PRR5L: variants seen among roughly 807,000 people sequenced by gnomAD.
PRR5L encodes proline rich 5 like.
PRR5L carries 21 observed loss-of-function variants against 36.4 expected under a neutral mutation model. That is an observed-to-expected ratio of 0.58 (90% CI 0.41 to 0.83). The LOEUF (loss-of-function observed/expected upper bound fraction) is 0.83. PRR5L is among the 40% of genes least tolerant of loss of function. PRR5L has a pLI of 0.00. For missense variants in PRR5L, 381 were observed against 473.3 expected, an observed-to-expected ratio of 0.80 and a Z score of 1.81; for synonymous variants, 188 against 197.0, an observed-to-expected ratio of 0.95 and a Z score of 0.38.
chr11:36,359,678 G>A (rs1341789839), intron 1 of PRR5L, among the ~76,000 whole-genome samples: 9 of 152,132 alleles, frequency 5.9e-5, no homozygotes, highest in African/African-American at 9.7e-5. Context: ...CCAAAGGAGC[G>A]GATCAACAGA....
intron 7 of PRR5L, among the ~76,000 whole-genome samples, chr11:36,448,494 C>G (rs148783520): frequency 4.6e-5 from 7 of 152,304 alleles, no homozygotes; most frequent in Admixed American, 2.0e-4. Flanking sequence ...ACTTTGTCTT[C>G]TGGGGTCCTC....
At chr11:36,338,943 C>T (rs1284414943) in intron 1 of PRR5L, among the ~76,000 whole-genome samples, 1 of 152,132 alleles carries the variant, frequency 6.6e-6, no homozygotes, top group Non-Finnish European at 1.5e-5. Flanking sequence ...GTGCTATTCT[C>T]GTGATAGTGA....
intron 1 of PRR5L, among the ~76,000 whole-genome samples, chr11:36,308,845 G>A (rs1414347235): frequency 3.3e-5 from 5 of 152,174 alleles, no homozygotes; most frequent in African/African-American, 1.2e-4. Flanking sequence ...GCCAACAGAA[G>A]AGCATAACTT....
chr11:36,333,024 G>C (rs1308308422), intron 1 of PRR5L, among the ~76,000 whole-genome samples: 1 of 152,110 alleles, frequency 6.6e-6, no homozygotes, highest in Non-Finnish European at 1.5e-5. Flanking sequence ...ACCATCATCT[G>C]TTGTCTGAAC....
intron 1 of PRR5L, among the ~76,000 whole-genome samples, chr11:36,322,273 G>C (rs1856620528): frequency 6.6e-6 from 1 of 152,150 alleles, no homozygotes; most frequent in Non-Finnish European, 1.5e-5. Flanking sequence ...TTTTTCCCTA[G>C]AAAGGGCTTA....
chr11:36,301,011 G>A (rs1856369966), intron 1 of PRR5L: 1 of 152,290 alleles, frequency 6.6e-6, no homozygotes, highest in South Asian at 2.1e-4. Context: ...GAAAGGGCAG[G>A]TCATTGAATG....
At chr11:36,430,465 G>A (rs1245741038) in intron 4 of PRR5L, among the ~76,000 whole-genome samples, 1 of 152,170 alleles carries the variant, frequency 6.6e-6, no homozygotes, top group Non-Finnish European at 1.5e-5. Flanking sequence ...GTCATATTTT[G>A]TAAATCTTAA....
intron 7 of PRR5L, among the ~76,000 whole-genome samples, chr11:36,447,555 G>T (rs1429759754): frequency 6.6e-6 from 1 of 152,214 alleles, no homozygotes; most frequent in African/African-American, 2.4e-5. Flanking sequence ...AAGTTCAGAT[G>T]CTGCAGCATT....
At chr11:36,339,860 G>C (rs1025475355) in intron 1 of PRR5L, among the ~76,000 whole-genome samples, 1 of 152,222 alleles carries the variant, frequency 6.6e-6, no homozygotes, top group Non-Finnish European at 1.5e-5. Flanking sequence ...GGGCTGGGAT[G>C]GCCTTGCCCC....
intron 1 of PRR5L, among the ~76,000 whole-genome samples, chr11:36,300,101 T>C (rs1446033063): frequency 6.6e-6 from 1 of 152,222 alleles, no homozygotes; most frequent in Non-Finnish European, 1.5e-5. Flanking sequence ...TATCTTTTTT[T>C]TTTGTAGAAA....
intron 6 of PRR5L, among the ~76,000 whole-genome samples, chr11:36,443,919 C>T (rs1276840136): frequency 1.3e-5 from 2 of 152,176 alleles, no homozygotes; most frequent in Non-Finnish European, 2.9e-5. Context: ...ACAGTAGGCT[C>T]TCTTATACAC....
In PRR5L at chr11:36,343,569, T is replaced by C. The variant is rs116037176; in HGVS notation, c.-126+47131T>C. ...AGTAAAGGCTGTAGGAACCACATTA[T>C]TTCTGCTCACTCTAAAAGTTGAGCA... On this transcript the variant is annotated intron_variant, in intron 1 of 8. Transcript: ENST00000530639. 8.7e-3 allele frequency among the ~76,000 whole-genome samples: 1,327 copies of C among 152,326 alleles called. 20 individuals are homozygous for C. Among genetic ancestry groups the C allele is most frequent in the African/African-American group, 0.031 (1,273 of 41,566 alleles).
At chr11:36,452,053 C>T (rs1197781333) in intron 8 of PRR5L, among the ~76,000 whole-genome samples, 1 of 152,128 alleles carries the variant, frequency 6.6e-6, no homozygotes, top group Non-Finnish European at 1.5e-5. Context: ...GTAGAAATAG[C>T]TGTATGATAA....
At chr11:36,297,484 G>A (rs917158336) in intron 1 of PRR5L, 1 of 152,194 alleles carries the variant, frequency 6.6e-6, no homozygotes, top group Admixed American at 6.5e-5. Context: ...ACCAGGCTAA[G>A]TTGCCTCATA....
Position 36,376,500 on chromosome 11 carries a change from A to G in PRR5L, c.-125-24497A>G, listed in dbSNP as rs1590501504. On this transcript the variant is annotated intron_variant, in intron 1 of 8. Transcript: ENST00000530639. ...GCTGGACGGGACCCCATCTGAGGGC[A>G]GAGCTGGGGGAGGAGGGAGGGACGG... The G allele has an allele frequency of 1.1e-5, 12 of 1,058,064 alleles. No homozygotes were observed. In the South Asian group the frequency reaches 3.3e-4, roughly 29 times the overall value. The allele number at this position is 1,058,064 out of a possible 1,614,324, so 65.5% of individuals were successfully genotyped here. A position where few individuals can be genotyped will look rare whatever the true frequency, so the allele number is the denominator to read the frequency against.
intron 1 of PRR5L, among the ~76,000 whole-genome samples, chr11:36,314,472 G>A (rs1049485435): frequency 3.3e-5 from 5 of 152,188 alleles, no homozygotes; most frequent in African/African-American, 1.2e-4. Flanking sequence ...ACACATACAT[G>A]CACCTGCACA....
At chr11:36,355,797 A>G (rs997763579) in intron 1 of PRR5L, among the ~76,000 whole-genome samples, 11 of 152,022 alleles carry the variant, frequency 7.2e-5, no homozygotes, top group South Asian at 2.1e-4. Context: ...TCCTGATCTC[A>G]GGTGATCTGC....
Position 36,297,725 on chromosome 11 carries a change from C to T in PRR5L, c.-126+1287C>T, listed in dbSNP as rs139972011. Among the ~76,000 whole-genome samples, 88 of 152,280 alleles carry T rather than the reference C, an allele frequency of 5.8e-4. No homozygotes were observed. In the Middle Eastern group the frequency reaches 0.031, roughly 53 times the overall value. On this transcript the variant is annotated intron_variant, in intron 1 of 8. Coordinates refer to ENST00000530639, the MANE Select transcript of PRR5L (RefSeq NM_001160167.2). Reference sequence around the variant, plus strand: ...TCATTCAGCAATTGGGATGTCCAGTCCCAGGGAATCAGCCAGATCTTTGAA... The same window carrying T: ...TCATTCAGCAATTGGGATGTCCAGTTCCAGGGAATCAGCCAGATCTTTGAA...
intron 4 of PRR5L, among the ~76,000 whole-genome samples, chr11:36,426,576 A>G (rs986325628): frequency 6.6e-6 from 1 of 152,234 alleles, no homozygotes; most frequent in Admixed American, 6.5e-5. Context: ...TAGGGGAAAG[A>G]TATGGGCTTT....
Sources: allele counts gnomAD v4.1 joint callset (sites outside exome capture counted in the v4.1 genomes callset), GRCh38; gene constraint gnomAD v4.1.1; transcripts MANE v1.5; gene names NCBI Gene and HGNC (gene_info 2026-07-23, HGNC 2026-07-21).